The following FDFT1 variants were observed in gnomAD, a reference collection of about 807,000 sequenced individuals.
FDFT1 encodes squalene synthase.
FDFT1 carries 68 observed loss-of-function variants against 46.8 expected under a neutral mutation model. The observed-to-expected ratio is 1.45, with a 90% CI of 1.19 to 1.78. The LOEUF is 1.78. Ranked by LOEUF, FDFT1 falls within the 40% of genes most tolerant of loss-of-function variation. FDFT1 has a pLI of 0.00. For synonymous variants in FDFT1, 351 were observed against 185.1 expected (o/e 1.90, Z -7.28); for missense variants, 928 against 524.4 (o/e 1.77, Z -7.52).
chr8:11,801,822 T>A, upstream of FDFT1: 1 of 377,466 alleles, frequency 2.6e-6, no homozygotes, highest in Non-Finnish European at 5.1e-6. Flanking sequence ...GCCTCCGGAG[T>A]AGTTGGGACT....
chr8:11,829,880 C>T (rs1386045615), intron 5 of FDFT1, among the ~76,000 whole-genome samples: 4 of 152,014 alleles, frequency 2.6e-5, no homozygotes, highest in South Asian at 4.1e-4. Flanking sequence ...CGGAGTCTCA[C>T]TCTTTCACCC....
intron 3 of FDFT1, among the ~76,000 whole-genome samples, chr8:11,814,055 T>C (rs760553391): frequency 1.3e-4 from 20 of 152,318 alleles, no homozygotes; most frequent in Middle Eastern, 3.4e-3. Context: ...GAAAGTGTTT[T>C]GGAGGAGTCT....
At chr8:11,796,677 A>C (rs1805595124) in intron 1 of FDFT1, among the ~76,000 whole-genome samples, 1 of 152,152 alleles carries the variant, frequency 6.6e-6, no homozygotes. Flanking sequence ...GATTGGTTTG[A>C]GGAGCCTATT....
intron 5 of FDFT1, among the ~76,000 whole-genome samples, chr8:11,827,744 A>C (rs867557318): frequency 2.6e-5 from 4 of 152,146 alleles, no homozygotes; most frequent in South Asian, 2.1e-4. Context: ...AAAAATTCAC[A>C]TTTAAACTAC....
chr8:11,821,985 G>A, intron 4 of FDFT1, 107 bp downstream of exon 4: 1 of 1,335,132 alleles, frequency 7.5e-7, no homozygotes, highest in Non-Finnish European at 1.0e-6. Context: ...CAGCCCCTCT[G>A]GTTTTACAAT....
At chr8:11,803,063 C>G (rs1806342221) in intron 1 of FDFT1, 132 bp downstream of exon 1, 7 of 1,453,442 alleles carry the variant, frequency 4.8e-6, no homozygotes, top group Non-Finnish European at 6.3e-6. Context: ...TGTTCCCGTC[C>G]CCCTTTCCTC....
At chr8:11,796,803 G>A (rs1028036987) in intron 1 of FDFT1, among the ~76,000 whole-genome samples, 1 of 152,240 alleles carries the variant, frequency 6.6e-6, no homozygotes, top group Non-Finnish European at 1.5e-5. Flanking sequence ...CTTAGCCCAT[G>A]AGGGTTCCTG....
At chr8:11,833,447 G>A (rs1003770197) in intron 7 of FDFT1, among the ~76,000 whole-genome samples, 43 of 152,198 alleles carry the variant, frequency 2.8e-4, no homozygotes, top group African/African-American at 7.2e-4. Flanking sequence ...AACATTTTAT[G>A]TAGTAAGTAG....
intron 7 of FDFT1, among the ~76,000 whole-genome samples, chr8:11,834,852 T>G (rs1811323952): frequency 6.6e-6 from 1 of 152,170 alleles, no homozygotes; most frequent in Non-Finnish European, 1.5e-5. Context: ...AGCCTCGCAC[T>G]GTGGCTCACA....
At chr8:11,813,654 C>A (rs150280197) in intron 3 of FDFT1, among the ~76,000 whole-genome samples, 2 of 152,314 alleles carry the variant, frequency 1.3e-5, no homozygotes, top group African/African-American at 4.8e-5. Flanking sequence ...TCTGTATTCC[C>A]TGCTACTCTT....
At chr8:11,829,320 G>T (rs1234518354) in intron 5 of FDFT1, among the ~76,000 whole-genome samples, 1 of 152,174 alleles carries the variant, frequency 6.6e-6, no homozygotes, top group Admixed American at 6.5e-5. Context: ...ACTTTCGCTA[G>T]CTTCAGAGAA....
chr8:11,817,626 C>A (rs1048205534), intron 3 of FDFT1, among the ~76,000 whole-genome samples: 28 of 152,184 alleles, frequency 1.8e-4, no homozygotes, highest in African/African-American at 6.3e-4. Flanking sequence ...GTATCCATTT[C>A]TTCTGGATTT....
chr8:11,834,718 A>T (rs1303648097), intron 7 of FDFT1, among the ~76,000 whole-genome samples: 1 of 152,248 alleles, frequency 6.6e-6, no homozygotes, highest in Non-Finnish European at 1.5e-5. Flanking sequence ...TTGTAAGTAG[A>T]ACTGCTGAGA....
upstream of FDFT1, chr8:11,802,559 C>A: frequency 1.7e-6 from 1 of 601,560 alleles, no homozygotes; most frequent in South Asian, 1.5e-5. Flanking sequence ...TCACGCCAGT[C>A]TCCTTCCGCG....
intron 4 of FDFT1, among the ~76,000 whole-genome samples, chr8:11,825,293 G>A (rs534335093): frequency 4.1e-4 from 62 of 152,200 alleles, no homozygotes; most frequent in African/African-American, 1.4e-3. Context: ...GGTAATCCCA[G>A]CACTTTGGGA....
At chr8:11,803,167 G>A (rs568407490) in intron 1 of FDFT1, 40 of 1,414,594 alleles carry the variant, frequency 2.8e-5, no homozygotes, top group Non-Finnish European at 3.6e-5. Context: ...CGACTTTTGC[G>A]TGGTTCCCGG....
intron 5 of FDFT1, among the ~76,000 whole-genome samples, chr8:11,829,992 C>T (rs375349473): frequency 6.6e-6 from 1 of 152,044 alleles, no homozygotes; most frequent in Admixed American, 6.6e-5. Flanking sequence ...GGATTACAGG[C>T]GCCTGCCACC....
At chr8:11,810,060 C>G (rs1807487827) in intron 3 of FDFT1, 3 of 523,594 alleles carry the variant, frequency 5.7e-6, no homozygotes, top group Non-Finnish European at 3.4e-6. Flanking sequence ...CTGTTGGTTA[C>G]TTACAAAGAC....
intron 3 of FDFT1, among the ~76,000 whole-genome samples, chr8:11,819,719 A>G (rs930736293): frequency 1.3e-5 from 2 of 151,954 alleles, no homozygotes; most frequent in African/African-American, 2.4e-5. Context: ...TCTTCTCTAC[A>G]CTGGTTATTC....
Sources: allele counts gnomAD v4.1 joint callset (sites outside exome capture counted in the v4.1 genomes callset), GRCh38; gene constraint gnomAD v4.1.1; transcripts MANE v1.5; gene names NCBI Gene and HGNC (gene_info 2026-07-23, HGNC 2026-07-21).